PACRG: variants seen among roughly 807,000 people sequenced by gnomAD.
PACRG encodes the protein parkin coregulated.
Under a neutral mutation model 29.7 loss-of-function variants are expected in PACRG, and 29 were observed. The ratio of observed to expected loss-of-function variants is 0.98; its 90% confidence interval spans 0.73 to 1.33. The LOEUF is 1.33. Among genes scored for constraint, PACRG ranks in the 40% most tolerant of loss-of-function variants. The pLI is 0.00. For missense variants in PACRG, 279 were observed against 316.2 expected, an observed-to-expected ratio of 0.88 and a Z score of 0.89; for synonymous variants, 116 against 118.7, an observed-to-expected ratio of 0.98 and a Z score of 0.15.
intron 2 of PACRG, among the ~76,000 whole-genome samples, chr6:162,956,822 C>G (rs1800079010): frequency 6.6e-6 from 1 of 152,150 alleles, no homozygotes; most frequent in African/African-American, 2.4e-5. Context: ...CAAACAAGCT[C>G]ACATCACGAG....
intron 4 of PACRG, among the ~76,000 whole-genome samples, chr6:163,108,686 G>A (rs1245716164): frequency 1.3e-5 from 2 of 152,104 alleles, no homozygotes; most frequent in Admixed American, 6.5e-5. Context: ...ACTGTGCCTG[G>A]CTGAACCTCT....
At chr6:163,084,603 G>T (rs117978626) in intron 3 of PACRG, among the ~76,000 whole-genome samples, 1 of 151,984 alleles carries the variant, frequency 6.6e-6, no homozygotes, top group Admixed American at 6.6e-5. Context: ...GCCATTACGC[G>T]TTACAGTTCA....
chr6:163,226,261 A>T (rs1197007754), intron 4 of PACRG, among the ~76,000 whole-genome samples: 1 of 152,208 alleles, frequency 6.6e-6, no homozygotes, highest in South Asian at 2.1e-4. Flanking sequence ...ATGAGACAGG[A>T]TGAATGAGTT....
chr6:163,083,243 T>G (rs1214291097), intron 3 of PACRG, among the ~76,000 whole-genome samples: 2 of 152,174 alleles, frequency 1.3e-5, no homozygotes, highest in African/African-American at 4.8e-5. Flanking sequence ...TCAAAGTCAC[T>G]CCTCTGCTCA....
chr6:163,037,906 C>T (rs528908522), intron 2 of PACRG, among the ~76,000 whole-genome samples: 51 of 152,326 alleles, frequency 3.3e-4, no homozygotes, highest in African/African-American at 1.2e-3. Context: ...GGAAGATTTA[C>T]TGAATAGGTA....
intron 2 of PACRG, among the ~76,000 whole-genome samples, chr6:162,969,216 G>A (rs1303980823): frequency 2.0e-5 from 3 of 152,030 alleles, no homozygotes; most frequent in African/African-American, 7.2e-5. Context: ...ACTTACTGCT[G>A]ACTGCTGTAT....
intron 2 of PACRG, among the ~76,000 whole-genome samples, chr6:162,821,971 C>T (rs1408072951): frequency 6.6e-6 from 1 of 152,156 alleles, no homozygotes; most frequent in Non-Finnish European, 1.5e-5. Context: ...AAGTATCATC[C>T]TCCCAGATAA....
intron 4 of PACRG, among the ~76,000 whole-genome samples, chr6:163,194,019 A>G (rs1003456883): frequency 2.6e-5 from 4 of 151,548 alleles, no homozygotes; most frequent in African/African-American, 9.7e-5. Context: ...CAGCCTCCCG[A>G]GTAGCTGGGA....
intron 2 of PACRG, among the ~76,000 whole-genome samples, chr6:162,893,192 C>T (rs965472771): frequency 6.6e-6 from 1 of 152,184 alleles, no homozygotes; most frequent in East Asian, 1.9e-4. Context: ...CAAACTATTA[C>T]AAGCACCTTA....
At chr6:163,234,255 TG>T (rs1045381386) in intron 4 of PACRG, among the ~76,000 whole-genome samples, 1 of 152,228 alleles carries the variant, frequency 6.6e-6, no homozygotes, top group South Asian at 2.1e-4. Flanking sequence ...GGGAGGGTCA[TG>T]GGGGGTGCAG....
intron 4 of PACRG, among the ~76,000 whole-genome samples, chr6:163,311,127 T>G (rs1291753673): frequency 6.6e-6 from 1 of 152,166 alleles, no homozygotes; most frequent in Non-Finnish European, 1.5e-5. Context: ...AAATAATTCT[T>G]AACCAAGAAC....
chr6:163,309,117 G>A (rs747623171), intron 4 of PACRG, among the ~76,000 whole-genome samples: 14 of 152,182 alleles, frequency 9.2e-5, no homozygotes, highest in Non-Finnish European at 1.3e-4. Context: ...TCTGCAGTCG[G>A]CTTGATTCCG....
At chr6:163,022,584 C>T (rs557167308) in intron 2 of PACRG, among the ~76,000 whole-genome samples, 37 of 152,292 alleles carry the variant, frequency 2.4e-4, no homozygotes, top group East Asian at 7.7e-4. Context: ...CAGGAAACAC[C>T]GAAATCCATC....
chr6:163,198,438 A>G (rs1410729046), intron 4 of PACRG, among the ~76,000 whole-genome samples: 2 of 152,306 alleles, frequency 1.3e-5, no homozygotes, highest in Non-Finnish European at 2.9e-5. Context: ...TCAGCACTTT[A>G]CATGTGTGTG....
intron 2 of PACRG, among the ~76,000 whole-genome samples, chr6:163,007,708 T>C (rs1165486857): frequency 6.6e-6 from 1 of 152,186 alleles, no homozygotes; most frequent in Non-Finnish European, 1.5e-5. Flanking sequence ...CTATTTTATC[T>C]CTTTTACCTG....
rs183943368 is a variant in PACRG, at chr6:162,858,192, C to T, written c.291+43911C>T. Among the ~76,000 whole-genome samples, 433 of 152,298 alleles carry T rather than the reference C, an allele frequency of 2.8e-3. 2 individuals are homozygous for T. Among genetic ancestry groups the T allele is most frequent in the African/African-American group, 1.0e-2 (415 of 41,566 alleles). On this transcript the variant is annotated intron_variant, in intron 2 of 4. Transcript: ENST00000366888. ...TTCTAAACAAAAGAGTTTTAATTTA[C>T]TCACAGTTCCACATGGCGGGGGAGG...
At chr6:163,301,130 C>T (rs11756058) in intron 4 of PACRG, among the ~76,000 whole-genome samples, 6 of 149,368 alleles carry the variant, frequency 4.0e-5, no homozygotes, top group African/African-American at 1.2e-4. Flanking sequence ...GGGCCACATC[C>T]GCTGCTTCCT....
At chr6:163,198,149 C>G (rs994829904) in intron 4 of PACRG, among the ~76,000 whole-genome samples, 12 of 152,188 alleles carry the variant, frequency 7.9e-5, no homozygotes, top group African/African-American at 2.7e-4. Context: ...TTCAGTCTAG[C>G]CTTGGACATG....
chr6:163,111,916 G>A (rs1324217766), intron 4 of PACRG: 4 of 254,046 alleles, frequency 1.6e-5, no homozygotes, highest in Non-Finnish European at 2.5e-5. Flanking sequence ...TTAAATGCCT[G>A]AGGGGCACTC....
Sources: gnomAD v4.1 joint callset for allele counts (sites outside exome capture counted in the v4.1 genomes callset) on GRCh38, gnomAD v4.1.1 for gene constraint, MANE v1.5 for transcripts, NCBI Gene and HGNC (gene_info 2026-07-23, HGNC 2026-07-21) for gene names.